The following PTGER3 variants were observed in gnomAD, a reference collection of about 807,000 sequenced individuals.
PTGER3 encodes prostaglandin E2 receptor EP3 subtype.
Under a neutral mutation model 34.7 loss-of-function variants are expected in PTGER3, and 22 were observed. The observed-to-expected ratio is 0.63, with a 90% CI of 0.45 to 0.91. The LOEUF (loss-of-function observed/expected upper bound fraction) is 0.91. Among genes scored for constraint, PTGER3 ranks in the 40% least tolerant of loss-of-function variants. The pLI is 0.00. For synonymous variants in PTGER3, 241 were observed against 230.1 expected, an observed-to-expected ratio of 1.05 and a Z score of -0.43; for missense variants, 468 against 519.4, an observed-to-expected ratio of 0.90 and a Z score of 0.96.
chr1:70,989,210 C>G (rs186843187), intron 2 of PTGER3, among the ~76,000 whole-genome samples: 1 of 152,306 alleles, frequency 6.6e-6, no homozygotes, highest in East Asian at 1.9e-4. Flanking sequence ...TAACTCACTA[C>G]AGACCTGGAA....
At chr1:70,919,233 C>A (rs1159287903) in intron 4 of PTGER3, among the ~76,000 whole-genome samples, 1 of 152,094 alleles carries the variant, frequency 6.6e-6, no homozygotes, top group African/African-American at 2.4e-5. Flanking sequence ...TCCAAATAGA[C>A]CCTGAGTTTT....
intron 1 of PTGER3, among the ~76,000 whole-genome samples, chr1:71,035,497 C>A (rs1443300795): frequency 6.6e-6 from 1 of 152,200 alleles, no homozygotes; most frequent in African/African-American, 2.4e-5. Context: ...TCTTTTAAAG[C>A]AACATTTAAG....
intron 4 of PTGER3, among the ~76,000 whole-genome samples, chr1:70,870,614 G>A (rs1408564336): frequency 6.6e-6 from 1 of 152,120 alleles, no homozygotes; most frequent in African/African-American, 2.4e-5. Context: ...TCTGAACATA[G>A]GCTGTTAGAA....
At chr1:70,889,921 A>T (rs1646580442) in intron 4 of PTGER3, among the ~76,000 whole-genome samples, 1 of 151,658 alleles carries the variant, frequency 6.6e-6, no homozygotes, top group Non-Finnish European at 1.5e-5. Flanking sequence ...AATTAATATC[A>T]TTGCTCTTTT....
chr1:70,936,290 A>T (rs1202490133), intron 4 of PTGER3, among the ~76,000 whole-genome samples: 1 of 152,194 alleles, frequency 6.6e-6, no homozygotes, highest in Non-Finnish European at 1.5e-5. Context: ...CCATAGCTGC[A>T]GAGGTAGAAA....
In PTGER3 at chr1:70,871,138, C is replaced by T. The variant is rs116126669; in HGVS notation, c.*24-18279G>A. On this transcript the variant is annotated intron_variant, in intron 4 of 4. Coordinates refer to the PTGER3 transcript ENST00000370931. ...TCAGTTGGTCCATGGTTCTGCAGGT[C>T]ACACAAGCATGGTTCTGGCATCTGT... Among the ~76,000 whole-genome samples, 864 of 152,230 alleles carry T rather than the reference C, an allele frequency of 5.7e-3. 9 individuals are homozygous for T. The highest frequency in any genetic ancestry group is 0.02 in the African/African-American group (829 of 41,530).
chr1:70,912,949 G>A (rs1647092451), intron 4 of PTGER3, among the ~76,000 whole-genome samples: 1 of 151,648 alleles, frequency 6.6e-6, no homozygotes, highest in South Asian at 2.1e-4. Context: ...CTTCAATTTG[G>A]CCTCTTTTTC....
chr1:71,025,663 TA>T (rs978221206), intron 1 of PTGER3, among the ~76,000 whole-genome samples: 11 of 152,194 alleles, frequency 7.2e-5, no homozygotes, highest in Non-Finnish European at 1.5e-4. Flanking sequence ...AATGCTTATA[TA>T]ATACTTACTA....
chr1:70,971,809 G>A, intron 3 of PTGER3, 76 bp from the exon 4 acceptor site: 2 of 946,250 alleles, frequency 2.1e-6, no homozygotes, highest in Non-Finnish European at 3.1e-6. Flanking sequence ...TATGGTGTGA[G>A]GAGTAAAATA....
At chr1:70,952,893 T>C in exon 4 of PTGER3, 1 of 1,599,420 alleles carries the variant, frequency 6.3e-7, no homozygotes, top group African/African-American at 1.3e-5. Context: ...ACTCCTGTAG[T>C]TATTTTCTTC....
In PTGER3 at chr1:71,047,700, G is replaced by T; in HGVS notation, c.-123C>A. The T allele has an allele frequency of 8.7e-7, 1 of 1,145,548 alleles. No individual in the cohort carries two copies. The highest frequency in any genetic ancestry group is 1.2e-6 in the Non-Finnish European group (1 of 859,860). 71.0% of individuals were successfully genotyped at this position (1,145,548 alleles called of 1,614,324 possible). A position where few individuals can be genotyped will look rare whatever the true frequency, so the allele number is the denominator to read the frequency against. ...CTGGGGCTGGGCTGCCCCCCATGGT[G>T]CGGGGCGCAGCCGCCGCCCTACTCC... is the stretch of plus-strand genomic sequence containing the variant. On this transcript the variant is annotated 5_prime_UTR_variant, in exon 1 of 4. Transcript: ENST00000306666.
intron 1 of PTGER3, among the ~76,000 whole-genome samples, chr1:71,037,168 G>T (rs1451116696): frequency 6.6e-6 from 1 of 152,196 alleles, no homozygotes; most frequent in Non-Finnish European, 1.5e-5. Context: ...CCAATCTCAT[G>T]TGTGATAGTA....
intron 1 of PTGER3, among the ~76,000 whole-genome samples, chr1:71,021,262 C>T (rs1451423830): frequency 6.6e-6 from 1 of 152,184 alleles, no homozygotes; most frequent in Non-Finnish European, 1.5e-5. Flanking sequence ...CCCGCTACCA[C>T]ATTATTTGCT....
In PTGER3 at chr1:70,908,382, T is replaced by C. The variant is rs1646993584; in HGVS notation, c.*23+45381A>G. Among the ~76,000 whole-genome samples, 3 of 152,196 alleles carry C rather than the reference T, an allele frequency of 2.0e-5. No homozygotes were observed. In the South Asian group the frequency reaches 6.2e-4, roughly 32 times the overall value. ...GCTCTTAGGAGCAGCTCTCAGCCAA[T>C]GACTGACCCACCAGGACAGGAGGCG... On this transcript the variant is annotated intron_variant, in intron 4 of 4. Transcript: ENST00000370931.
Position 71,047,779 on chromosome 1 carries a change from C to A in PTGER3, c.-202G>T. ...CAGGGCTCACTGGCCCGGGAGGGAG[C>A]CACGCCTTCCTCTCTGGGAAACCTC... On this transcript the variant is annotated 5_prime_UTR_variant, in exon 1 of 4. Transcript: ENST00000306666. 1 of 430,140 alleles carries A rather than the reference C, an allele frequency of 2.3e-6. No individual in the cohort carries two copies. Among genetic ancestry groups the A allele is most frequent in the Non-Finnish European group, 3.8e-6 (1 of 265,928 alleles). The allele number at this position is 430,140 out of a possible 1,614,324, so 26.6% of individuals were successfully genotyped here. A position where few individuals can be genotyped will look rare whatever the true frequency, so the allele number is the denominator to read the frequency against.
intron 4 of PTGER3, among the ~76,000 whole-genome samples, chr1:70,919,975 A>T (rs188795799): frequency 1.1e-4 from 16 of 152,272 alleles, no homozygotes. Flanking sequence ...CTTGCCAATT[A>T]TAAATGAGCT....
chr1:71,029,993 G>A (rs1020971929), intron 1 of PTGER3, among the ~76,000 whole-genome samples: 9 of 151,484 alleles, frequency 5.9e-5, no homozygotes, highest in Non-Finnish European at 8.8e-5. Context: ...TAAGTTTCTA[G>A]GTTCAGAGAA....
intron 2 of PTGER3, chr1:71,009,828 C>T (rs1657286210): frequency 5.1e-6 from 5 of 984,984 alleles, no homozygotes; most frequent in South Asian, 4.7e-5. Flanking sequence ...AACTTAGACA[C>T]GTCTTTCTGC....
chr1:70,863,879 C>T (rs1169106624), intron 4 of PTGER3, among the ~76,000 whole-genome samples: 1 of 152,016 alleles, frequency 6.6e-6, no homozygotes, highest in Non-Finnish European at 1.5e-5. Flanking sequence ...TGGATAATCA[C>T]TGAAACCCAT....
Sources: gnomAD v4.1 joint callset for allele counts (sites outside exome capture counted in the v4.1 genomes callset) on GRCh38, gnomAD v4.1.1 for gene constraint, MANE v1.5 for transcripts, NCBI Gene and HGNC (gene_info 2026-07-23, HGNC 2026-07-21) for gene names.